Variants in ST3GAL3 observed in about 807,000 individuals in gnomAD.
ST3GAL3 encodes the protein CMP-N-acetylneuraminate-beta-1,4-galactoside alpha-2,3-sialyltransferase.
ST3GAL3 carries 21 observed loss-of-function variants against 50.1 expected under a neutral mutation model. The observed-to-expected ratio is 0.42, with a 90% CI of 0.30 to 0.60. The LOEUF is 0.60. Ranked by LOEUF, ST3GAL3 falls within the 20% of genes least tolerant of loss-of-function variation. The pLI, the probability that ST3GAL3 is intolerant of heterozygous loss-of-function variation, is 0.19. For missense variants in ST3GAL3, 353 were observed against 489.4 expected (o/e 0.72, Z 2.63); for synonymous variants, 183 against 190.0 (o/e 0.96, Z 0.30).
At chr1:43,792,278 A>G in intron 3 of ST3GAL3, 129 bp downstream of exon 3, 1 of 1,210,932 alleles carries the variant, frequency 8.3e-7, no homozygotes, top group Non-Finnish European at 1.2e-6. Context: ...AAGTCTCAAG[A>G]AGCCTTTCTA....
At chr1:43,844,822 G>A (rs1243541664) in intron 5 of ST3GAL3, among the ~76,000 whole-genome samples, 18 of 145,598 alleles carry the variant, frequency 1.2e-4, no homozygotes, top group East Asian at 1.0e-3. Context: ...GCAAGACTCC[G>A]TCTAAAAAAA....
chr1:43,779,110 T>C (rs576193914), intron 2 of ST3GAL3, among the ~76,000 whole-genome samples: 30 of 151,900 alleles, frequency 2.0e-4, no homozygotes, highest in African/African-American at 7.2e-4. Flanking sequence ...CCCAGCTAAT[T>C]TTTGTATATT....
At chr1:43,787,841 AAAG>A (rs2057538027) in intron 2 of ST3GAL3, among the ~76,000 whole-genome samples, 1 of 152,218 alleles carries the variant, frequency 6.6e-6, no homozygotes, top group Admixed American at 6.5e-5. Context: ...AGGGAGAAGT[AAAG>A]AAGGGCGAGG....
chr1:43,722,815 A>G (rs1338711412), intron 1 of ST3GAL3, among the ~76,000 whole-genome samples: 2 of 152,150 alleles, frequency 1.3e-5, no homozygotes, highest in African/African-American at 4.8e-5. Context: ...CTCGGGGTGA[A>G]ACATCTAGAT....
At chr1:43,761,979 A>AAAAAG (rs1558185245) in intron 2 of ST3GAL3, among the ~76,000 whole-genome samples, 1 of 131,730 alleles carries the variant, frequency 7.6e-6, no homozygotes, top group Non-Finnish European at 1.6e-5. Flanking sequence ...AAAAAAAAAA[A>AAAAAG]TTCAGGCTGG....
chr1:43,815,451 A>T (rs1254339363), intron 4 of ST3GAL3, among the ~76,000 whole-genome samples: 1 of 152,142 alleles, frequency 6.6e-6, no homozygotes, highest in Admixed American at 6.5e-5. Flanking sequence ...TTGGAAAACT[A>T]AAAAAACTAC....
chr1:43,740,625 C>T (rs915378947), intron 2 of ST3GAL3, among the ~76,000 whole-genome samples: 16 of 151,670 alleles, frequency 1.1e-4, no homozygotes, highest in African/African-American at 3.9e-4. Context: ...GGTAATGTCA[C>T]GAGGCCTTGT....
intron 2 of ST3GAL3, among the ~76,000 whole-genome samples, chr1:43,768,892 C>T (rs929545246): frequency 1.3e-5 from 2 of 152,174 alleles, no homozygotes; most frequent in African/African-American, 2.4e-5. Flanking sequence ...ACTCCTTACT[C>T]ATTTTTTTGA....
intron 4 of ST3GAL3, among the ~76,000 whole-genome samples, chr1:43,820,353 A>T (rs150771450): frequency 1.1e-4 from 17 of 152,298 alleles, no homozygotes; most frequent in Non-Finnish European, 1.8e-4. Context: ...AAAAATCCTA[A>T]CAGAAAACCT....
At position 43,730,271 on chromosome 1, in the gene ST3GAL3, G is replaced by T. The variant is rs558312032; in HGVS notation, c.-30-5962G>T. 1.4e-3 allele frequency among the ~76,000 whole-genome samples: 218 copies of T among 152,314 alleles called. 1 individual carries two copies. Among genetic ancestry groups the T allele is most frequent in the African/African-American group, 5.1e-3 (214 of 41,568 alleles). ...GGCTGCATCTGTTGACTCACTGACT[G>T]TTGTGTGTCTGCCAGAGCCTTGGGC... On this transcript the variant is annotated intron_variant, in intron 1 of 11. Transcript: ENST00000347631.
chr1:43,710,194 GTC>G (rs1553241260), intron 1 of ST3GAL3, among the ~76,000 whole-genome samples: 1 of 151,916 alleles, frequency 6.6e-6, no homozygotes, highest in Non-Finnish European at 1.5e-5. Flanking sequence ...TAATTCTCCC[GTC>G]TCAGCCTCCT....
At chr1:43,757,958 T>G (rs1688720636) in intron 2 of ST3GAL3, among the ~76,000 whole-genome samples, 3 of 152,038 alleles carry the variant, frequency 2.0e-5, no homozygotes, top group Admixed American at 6.5e-5. Context: ...GACAAAGGTC[T>G]TGTACCTTAC....
At chr1:43,926,786 C>T (rs946866119) in intron 11 of ST3GAL3, among the ~76,000 whole-genome samples, 10 of 152,086 alleles carry the variant, frequency 6.6e-5, no homozygotes, top group African/African-American at 2.4e-4. Flanking sequence ...AAAAGAGCAC[C>T]AGAGAGGTGG....
intron 5 of ST3GAL3, among the ~76,000 whole-genome samples, chr1:43,849,936 G>C (rs1362053054): frequency 6.6e-6 from 1 of 152,204 alleles, no homozygotes; most frequent in Non-Finnish European, 1.5e-5. Flanking sequence ...CAAGGCAAAG[G>C]AAAGCCTAGG....
chr1:43,787,298 G>A (rs2057466301), intron 2 of ST3GAL3, among the ~76,000 whole-genome samples: 1 of 152,204 alleles, frequency 6.6e-6, no homozygotes, highest in East Asian at 1.9e-4. Flanking sequence ...GCCTGAGAGG[G>A]AGAAGTCTGG....
intron 5 of ST3GAL3, among the ~76,000 whole-genome samples, chr1:43,874,263 G>T (rs1389494037): frequency 1.3e-5 from 2 of 152,182 alleles, no homozygotes; most frequent in South Asian, 2.1e-4. Context: ...GTTAAGTAAA[G>T]AATTGACCAT....
chr1:43,713,191 T>C (rs1055278426), intron 1 of ST3GAL3, among the ~76,000 whole-genome samples: 2 of 152,210 alleles, frequency 1.3e-5, no homozygotes, highest in Non-Finnish European at 2.9e-5. Context: ...GTCTGTGTGC[T>C]TCCTAGGGCT....
chr1:43,925,305 A>AAAAAAAAAG (rs2083727815), intron 11 of ST3GAL3, among the ~76,000 whole-genome samples: 1 of 151,292 alleles, frequency 6.6e-6, no homozygotes, highest in African/African-American at 2.4e-5. Flanking sequence ...TCAAAAAAAA[A>AAAAAAAAAG]AAAAAAGAGT....
intron 1 of ST3GAL3, among the ~76,000 whole-genome samples, chr1:43,718,575 C>A (rs947343665): frequency 6.6e-6 from 1 of 151,262 alleles, no homozygotes; most frequent in African/African-American, 2.4e-5. Flanking sequence ...GAAAGCCTTC[C>A]TAATGTGTTT....
Sources: allele counts gnomAD v4.1 joint callset (sites outside exome capture counted in the v4.1 genomes callset), GRCh38; gene constraint gnomAD v4.1.1; transcripts MANE v1.5; gene names NCBI Gene and HGNC (gene_info 2026-07-23, HGNC 2026-07-21).